Variants in ANKS1B observed in about 807,000 individuals in gnomAD.
ANKS1B encodes the protein ankyrin repeat and sterile alpha motif domain containing 1B.
ANKS1B carries 36 observed loss-of-function variants against 148.3 expected under a neutral mutation model. That is an observed-to-expected ratio of 0.24 (90% CI 0.19 to 0.32). ANKS1B has a LOEUF of 0.32. Among genes scored for constraint, ANKS1B ranks in the 10% least tolerant of loss-of-function variants. The pLI, the probability that ANKS1B is intolerant of heterozygous loss-of-function variation, is 1.00. For missense variants in ANKS1B, 1,157 were observed against 1,542.6 expected (o/e 0.75, Z 4.19); for synonymous variants, 542 against 560.8 (o/e 0.97, Z 0.47).
intron 17 of ANKS1B, among the ~76,000 whole-genome samples, chr12:98,881,993 AAG>A (rs1380347491): frequency 6.6e-6 from 1 of 152,172 alleles, no homozygotes; most frequent in Non-Finnish European, 1.5e-5. Context: ...AATCAGTAGA[AAG>A]AGATATTTTT....
chr12:99,164,790 T>C (rs2077039098), intron 14 of ANKS1B, among the ~76,000 whole-genome samples: 2 of 152,102 alleles, frequency 1.3e-5, no homozygotes, highest in Admixed American at 1.3e-4. Context: ...AACATTTTCC[T>C]AGTCAATTAC....
intron 1 of ANKS1B, among the ~76,000 whole-genome samples, chr12:99,971,150 T>C (rs1216417112): frequency 1.3e-5 from 2 of 152,256 alleles, no homozygotes; most frequent in South Asian, 2.1e-4. Context: ...CATATATATA[T>C]ACACACACAC....
intron 4 of ANKS1B, among the ~76,000 whole-genome samples, chr12:99,800,202 G>A (rs2066768378): frequency 6.6e-6 from 1 of 151,988 alleles, no homozygotes; most frequent in East Asian, 1.9e-4. Context: ...ATAAGGGAAA[G>A]AGGAAACATC....
chr12:99,337,038 T>C (rs932973396), intron 12 of ANKS1B, among the ~76,000 whole-genome samples: 1 of 152,182 alleles, frequency 6.6e-6, no homozygotes, highest in Non-Finnish European at 1.5e-5. Flanking sequence ...AATTGAATAC[T>C]GATCTCTTTA....
intron 15 of ANKS1B, among the ~76,000 whole-genome samples, chr12:99,141,866 A>G (rs966787454): frequency 5.3e-5 from 8 of 151,982 alleles, no homozygotes; most frequent in South Asian, 4.1e-4. Context: ...TTGATCTCTC[A>G]TCAGCATTCT....
chr12:98,996,850 A>C (rs1285822426), intron 17 of ANKS1B, among the ~76,000 whole-genome samples: 1 of 145,778 alleles, frequency 6.9e-6, no homozygotes, highest in Admixed American at 6.9e-5. Flanking sequence ...AAGAATTACC[A>C]TGTGAATGAT....
At chr12:99,758,235 T>A (rs1486237315) in intron 8 of ANKS1B, among the ~76,000 whole-genome samples, 1 of 151,960 alleles carries the variant, frequency 6.6e-6, no homozygotes, top group Admixed American at 6.6e-5. Context: ...AACAAAAACA[T>A]TGGTTTGACA....
At chr12:99,640,730 CGG>C (rs2098294907) in intron 9 of ANKS1B, among the ~76,000 whole-genome samples, 6 of 152,022 alleles carry the variant, frequency 3.9e-5, no homozygotes, top group African/African-American at 1.4e-4. Context: ...GAAAAATGAA[CGG>C]ATGAGTGGGT....
intron 12 of ANKS1B, among the ~76,000 whole-genome samples, chr12:99,333,170 C>G (rs2087934609): frequency 6.6e-6 from 1 of 151,946 alleles, no homozygotes; most frequent in Non-Finnish European, 1.5e-5. Flanking sequence ...GGATCCAGAT[C>G]ATAGAGGATA....
chr12:99,727,687 T>C (rs1163514391), intron 8 of ANKS1B, among the ~76,000 whole-genome samples: 1 of 151,946 alleles, frequency 6.6e-6, no homozygotes, highest in East Asian at 1.9e-4. Context: ...GCCAGGACAA[T>C]CCTAATCAAA....
chr12:99,026,109 T>C (rs2099948593), intron 17 of ANKS1B, among the ~76,000 whole-genome samples: 1 of 152,250 alleles, frequency 6.6e-6, no homozygotes. Context: ...AAGGTATGTA[T>C]CTACGGATAT....
intron 1 of ANKS1B, among the ~76,000 whole-genome samples, chr12:99,861,946 T>C (rs1015129702): frequency 6.0e-5 from 7 of 116,594 alleles, no homozygotes; most frequent in South Asian, 5.8e-4. Flanking sequence ...TGCATCCCTT[T>C]CAGTAGCCAA....
At chr12:99,084,895 C>G (rs562025893) in intron 16 of ANKS1B, 30 bp downstream of exon 16, 7 of 1,556,960 alleles carry the variant, frequency 4.5e-6, no homozygotes, top group African/African-American at 4.1e-5. Context: ...GAACCGTACA[C>G]AGGACTAGGG....
downstream of ANKS1B, among the ~76,000 whole-genome samples, chr12:98,739,844 C>A (rs937154474): frequency 6.6e-6 from 1 of 152,120 alleles, no homozygotes; most frequent in East Asian, 1.9e-4. Context: ...TCCTGTACTG[C>A]CCAAATCTCC....
At position 99,868,533 on chromosome 12, in the gene ANKS1B, C is replaced by T. The variant is rs1418600846; in HGVS notation, c.135-43144G>A. ...ATGAAGGACGACAAGAAAGAAATTT[C>T]ATGCAGAAAACCCCAAAATAATCTA... On this transcript the variant is annotated intron_variant, in intron 1 of 26. Transcript: ENST00000683438. Among the ~76,000 whole-genome samples the T allele has an allele frequency of 3.3e-5, 5 of 151,448 alleles. No individual in the cohort carries two copies. The South Asian group carries it at 1.0e-3, about 31-fold the overall frequency.
At chr12:99,937,076 T>C (rs1290440364) in intron 1 of ANKS1B, among the ~76,000 whole-genome samples, 1 of 152,180 alleles carries the variant, frequency 6.6e-6, no homozygotes, top group Admixed American at 6.5e-5. Flanking sequence ...CTGTTATCAA[T>C]ACGCACATCT....
chr12:98,890,293 C>G lies in ANKS1B; in HGVS notation c.2779-58157G>C, dbSNP rs118067187. On this transcript the variant is annotated intron_variant, in intron 17 of 26. Coordinates refer to ENST00000683438, the MANE Select transcript of ANKS1B (RefSeq NM_001352186.2). The stretch of plus-strand genomic sequence containing the variant: ...ATAGCATCATTCATATCAGGAGTAC[C>G]AACCAACCCCATAAGAGATATTGAA... Among the ~76,000 whole-genome samples, 141 of 152,242 alleles carry G rather than the reference C, an allele frequency of 9.3e-4. 1 individual carries two copies. In the East Asian group the frequency reaches 0.025, roughly 27 times the overall value.
At chr12:99,112,947 C>T (rs565559755) in intron 15 of ANKS1B, among the ~76,000 whole-genome samples, 3 of 152,278 alleles carry the variant, frequency 2.0e-5, no homozygotes, top group South Asian at 2.1e-4. Context: ...AGACACAATC[C>T]TCAGCACCAA....
chr12:99,858,620 A>G (rs2089562530), intron 1 of ANKS1B, among the ~76,000 whole-genome samples: 1 of 152,212 alleles, frequency 6.6e-6, no homozygotes, highest in Non-Finnish European at 1.5e-5. Context: ...ATATAGAATT[A>G]GCTCAAATGC....
Sources: gnomAD v4.1 joint callset for allele counts (sites outside exome capture counted in the v4.1 genomes callset) on GRCh38, gnomAD v4.1.1 for gene constraint, MANE v1.5 for transcripts, NCBI Gene and HGNC (gene_info 2026-07-23, HGNC 2026-07-21) for gene names.